The following PELI2 variants were observed in gnomAD, a reference collection of about 807,000 sequenced individuals.
PELI2 encodes the protein E3 ubiquitin-protein ligase pellino homolog 2.
Under a neutral mutation model 42.3 loss-of-function variants are expected in PELI2, and 23 were observed. That is an observed-to-expected ratio of 0.54 (90% CI 0.39 to 0.77). The LOEUF (loss-of-function observed/expected upper bound fraction) is 0.77, where lower values mean the gene tolerates loss of function less well. Ranked by LOEUF, PELI2 falls within the 30% of genes least tolerant of loss-of-function variation. The pLI is 0.00. For missense variants in PELI2, 463 were observed against 553.2 expected (o/e 0.84, Z 1.64); for synonymous variants, 245 against 212.2 (o/e 1.15, Z -1.34).
intron 2 of PELI2, among the ~76,000 whole-genome samples, chr14:56,224,563 T>G (rs1288108596): frequency 1.3e-5 from 2 of 152,188 alleles, no homozygotes; most frequent in Non-Finnish European, 2.9e-5. Context: ...TAATGTAAAG[T>G]GTTATGTATC....
intron 2 of PELI2, among the ~76,000 whole-genome samples, chr14:56,225,293 G>A (rs575836144): frequency 2.6e-4 from 40 of 152,242 alleles, no homozygotes; most frequent in African/African-American, 9.1e-4. Context: ...CGAGGCAGAG[G>A]CTGGCTGCTC....
At position 56,154,740 on chromosome 14, in the gene PELI2, A is replaced by G. The variant is rs543452080; in HGVS notation, c.78-23595A>G. On this transcript the variant is annotated intron_variant, in intron 1 of 5. Coordinates refer to ENST00000267460, the MANE Select transcript of PELI2 (RefSeq NM_021255.3). Reference sequence around the variant, plus strand: ...TCTTTGTACATAAAACTTGACTTACATTTCAAATTTGTGTCCTTAGGATAG... The same window carrying G: ...TCTTTGTACATAAAACTTGACTTACGTTTCAAATTTGTGTCCTTAGGATAG... Among the ~76,000 whole-genome samples, 11 of 152,090 alleles carry G rather than the reference A, an allele frequency of 7.2e-5. No homozygotes were observed. In the East Asian group the frequency reaches 2.1e-3, roughly 29 times the overall value.
intron 1 of PELI2, among the ~76,000 whole-genome samples, chr14:56,136,057 G>A (rs1883678994): frequency 6.6e-6 from 1 of 152,016 alleles, no homozygotes; most frequent in Non-Finnish European, 1.5e-5. Context: ...TAGAAAACTG[G>A]GACCCAACAG....
At chr14:56,228,606 C>G (rs1049753579) in intron 2 of PELI2, among the ~76,000 whole-genome samples, 1 of 152,136 alleles carries the variant, frequency 6.6e-6, no homozygotes, top group African/African-American at 2.4e-5. Flanking sequence ...GCTTAATTTG[C>G]GTTAAGATTT....
chr14:56,137,017 T>TTA (rs1446719787), intron 1 of PELI2, among the ~76,000 whole-genome samples: 2 of 152,208 alleles, frequency 1.3e-5, no homozygotes, highest in Non-Finnish European at 2.9e-5. Flanking sequence ...GTGTCTAGTC[T>TTA]TATGTTGACT....
intron 1 of PELI2, among the ~76,000 whole-genome samples, chr14:56,130,532 G>A (rs1486400592): frequency 6.6e-6 from 1 of 151,934 alleles, no homozygotes; most frequent in African/African-American, 2.4e-5. Flanking sequence ...GAAGTTACCA[G>A]TAAGGTGAAA....
chr14:56,144,446 T>A (rs1884034976), intron 1 of PELI2, among the ~76,000 whole-genome samples: 1 of 152,192 alleles, frequency 6.6e-6, no homozygotes, highest in Non-Finnish European at 1.5e-5. Flanking sequence ...AGCCTTTTCA[T>A]CTGATTCAGT....
chr14:56,293,963 C>G (rs1407809318), intron 5 of PELI2, among the ~76,000 whole-genome samples: 1 of 152,130 alleles, frequency 6.6e-6, no homozygotes, highest in Admixed American at 6.5e-5. Context: ...ATGAGGCCTC[C>G]TCTGAGAATT....
At chr14:56,133,006 A>G (rs1883548466) in intron 1 of PELI2, among the ~76,000 whole-genome samples, 1 of 152,192 alleles carries the variant, frequency 6.6e-6, no homozygotes, top group Non-Finnish European at 1.5e-5. Flanking sequence ...AAGGCTGTAT[A>G]CTAAATGGTA....
At chr14:56,191,835 G>T (rs915433336) in intron 2 of PELI2, among the ~76,000 whole-genome samples, 3 of 152,102 alleles carry the variant, frequency 2.0e-5, no homozygotes, top group African/African-American at 7.2e-5. Context: ...TTAAAGAAAA[G>T]ATTTTATTTT....
At chr14:56,151,417 G>C (rs1189810454) in intron 1 of PELI2, among the ~76,000 whole-genome samples, 1 of 152,166 alleles carries the variant, frequency 6.6e-6, no homozygotes, top group Non-Finnish European at 1.5e-5. Context: ...ATTTTACACA[G>C]ACCTGTTCTA....
chr14:56,126,667 A>G (rs1304016867), intron 1 of PELI2, among the ~76,000 whole-genome samples: 1 of 152,200 alleles, frequency 6.6e-6, no homozygotes, highest in African/African-American at 2.4e-5. Flanking sequence ...CCATGATTAT[A>G]GAACACTAAT....
intron 2 of PELI2, among the ~76,000 whole-genome samples, chr14:56,192,492 G>C (rs1054272698): frequency 1.3e-5 from 2 of 152,024 alleles, no homozygotes; most frequent in Non-Finnish European, 1.5e-5. Flanking sequence ...TTACCCACTC[G>C]ACACCAGTAC....
rs184264627 is a variant in PELI2 at position 56,248,297 on chromosome 14, C to T, written c.208-31379C>T. 8.5e-5 allele frequency among the ~76,000 whole-genome samples: 13 copies of T among 152,178 alleles called. No individual in the cohort carries two copies. In the East Asian group the frequency reaches 1.5e-3, roughly 18 times the overall value. The stretch of plus-strand genomic sequence containing the variant: ...AGTAAATAATGAGAACATTAAGTTT[C>T]GCGCACATTTTAATTTATTCTTTAA... On this transcript the variant is annotated intron_variant, in intron 2 of 5. Transcript: ENST00000267460.
chr14:56,156,082 TTTAA>T (rs1884556020), intron 1 of PELI2, among the ~76,000 whole-genome samples: 1 of 152,220 alleles, frequency 6.6e-6, no homozygotes, highest in Non-Finnish European at 1.5e-5. Flanking sequence ...CTGTTTTATC[TTTAA>T]TTACGTGAAA....
intron 2 of PELI2, among the ~76,000 whole-genome samples, chr14:56,194,204 G>A (rs543715623): frequency 6.6e-6 from 1 of 152,058 alleles, no homozygotes; most frequent in Non-Finnish European, 1.5e-5. Context: ...CTTCCCACTC[G>A]GGCAGCAAGT....
At chr14:56,258,814 A>G (rs1224088328) in intron 2 of PELI2, among the ~76,000 whole-genome samples, 1 of 152,122 alleles carries the variant, frequency 6.6e-6, no homozygotes, top group African/African-American at 2.4e-5. Flanking sequence ...AAAAGGCCAA[A>G]ATTTTTCAAA....
chr14:56,267,468 T>G, intron 2 of PELI2, among the ~76,000 whole-genome samples: 1 of 152,108 alleles, frequency 6.6e-6, no homozygotes, highest in East Asian at 1.9e-4. Context: ...AAGAAAAACA[T>G]TTGTGAATGG....
intron 2 of PELI2, among the ~76,000 whole-genome samples, chr14:56,241,188 T>C (rs1887963063): frequency 6.6e-6 from 1 of 151,986 alleles, no homozygotes; most frequent in South Asian, 2.1e-4. Flanking sequence ...TCCAGTAAAA[T>C]GAATGGGACT....
Sources: allele counts gnomAD v4.1 joint callset (sites outside exome capture counted in the v4.1 genomes callset), GRCh38; gene constraint gnomAD v4.1.1; transcripts MANE v1.5; gene names NCBI Gene and HGNC (gene_info 2026-07-23, HGNC 2026-07-21).